Variants in NCALD observed in about 807,000 individuals in gnomAD.
The protein encoded by NCALD is neurocalcin delta, also known as neurocalcin-delta.
NCALD carries 10 observed loss-of-function variants against 18.6 expected under a neutral mutation model. The ratio of observed to expected loss-of-function variants is 0.54; its 90% CI spans 0.33 to 0.91. NCALD has a LOEUF of 0.91. Ranked by LOEUF, NCALD falls within the 40% of genes least tolerant of loss-of-function variation. NCALD has a pLI of 0.03. For synonymous variants in NCALD, 88 were observed against 87.4 expected (o/e 1.01, Z -0.04); for missense variants, 184 against 247.6 (o/e 0.74, Z 1.72).
chr8:101,787,839 C>A (rs542011779), intron 1 of NCALD, among the ~76,000 whole-genome samples: 2 of 152,168 alleles, frequency 1.3e-5, no homozygotes, highest in African/African-American at 4.8e-5. Flanking sequence ...TCAATTCACA[C>A]GTGTATGTGC....
At chr8:101,867,675 GCATTGCCATATCGTGGA>G (rs1815829434) in intron 4 of NCALD, among the ~76,000 whole-genome samples, 2 of 152,178 alleles carry the variant, frequency 1.3e-5, no homozygotes, top group Non-Finnish European at 2.9e-5. Context: ...CAAATTGAAG[GCATTGCCATATCGTGGA>G]CATTTTATTA....
intron 1 of NCALD, among the ~76,000 whole-genome samples, chr8:102,053,379 C>G (rs1229843071): frequency 6.6e-6 from 1 of 151,920 alleles, no homozygotes; most frequent in Admixed American, 6.6e-5. Context: ...TTAAAAATGT[C>G]ATTTCTATTC....
chr8:101,827,853 T>A (rs1173783564), intron 4 of NCALD, among the ~76,000 whole-genome samples: 1 of 152,184 alleles, frequency 6.6e-6, no homozygotes, highest in Non-Finnish European at 1.5e-5. Flanking sequence ...TCTACCTCAA[T>A]TGCCTTTGTA....
At chr8:101,751,072 T>C (rs1048923903) in intron 1 of NCALD, among the ~76,000 whole-genome samples, 2 of 151,926 alleles carry the variant, frequency 1.3e-5, no homozygotes, top group Non-Finnish European at 2.9e-5. Flanking sequence ...CACACATAGC[T>C]CAAAGGTAGA....
intron 3 of NCALD, among the ~76,000 whole-genome samples, chr8:101,894,758 T>A (rs1411012675): frequency 1.3e-5 from 2 of 150,618 alleles, no homozygotes; most frequent in African/African-American, 5.0e-5. Flanking sequence ...AACTAGAAAA[T>A]CTAGAAGAAA....
intron 4 of NCALD, among the ~76,000 whole-genome samples, chr8:101,886,273 G>A (rs999507390): frequency 1.3e-5 from 2 of 152,134 alleles, no homozygotes; most frequent in Non-Finnish European, 2.9e-5. Context: ...AAAAGGAAGT[G>A]GGATGAAAAG....
intron 2 of NCALD, among the ~76,000 whole-genome samples, chr8:101,994,125 G>T (rs1216324490): frequency 1.3e-5 from 2 of 152,108 alleles, no homozygotes; most frequent in East Asian, 1.9e-4. Flanking sequence ...CACATTTCTA[G>T]AACTTCTTCT....
intron 2 of NCALD, among the ~76,000 whole-genome samples, chr8:101,710,346 C>T (rs1815726144): frequency 6.6e-6 from 1 of 152,100 alleles, no homozygotes; most frequent in Non-Finnish European, 1.5e-5. Flanking sequence ...GCCATTTGGG[C>T]AGACAACACG....
chr8:101,721,570 T>C (rs1463725500), intron 1 of NCALD, among the ~76,000 whole-genome samples: 1 of 152,192 alleles, frequency 6.6e-6, no homozygotes, highest in Non-Finnish European at 1.5e-5. Flanking sequence ...TTATATTGAA[T>C]TTAGTGAGGC....
At chr8:101,691,631 A>G (rs1370808781) in intron 3 of NCALD, 1 of 985,324 alleles carries the variant, frequency 1.0e-6, no homozygotes, top group Non-Finnish European at 1.2e-6. Flanking sequence ...AGTCACAACT[A>G]TTCATTGTGA....
At chr8:101,748,890 C>G (rs1272733989) in intron 1 of NCALD, among the ~76,000 whole-genome samples, 1 of 152,184 alleles carries the variant, frequency 6.6e-6, no homozygotes, top group Non-Finnish European at 1.5e-5. Context: ...CCAGGTTAGG[C>G]TCTCTCAAGG....
intron 3 of NCALD, among the ~76,000 whole-genome samples, chr8:101,892,417 A>G (rs1227067138): frequency 6.7e-6 from 1 of 149,404 alleles, no homozygotes; most frequent in Non-Finnish European, 1.5e-5. Context: ...CGGGGAAAAA[A>G]CAAAACAGAA....
intron 1 of NCALD, among the ~76,000 whole-genome samples, chr8:101,737,322 T>C (rs1809967257): frequency 6.6e-6 from 1 of 152,206 alleles, no homozygotes; most frequent in South Asian, 2.1e-4. Context: ...TTCCTGTCAC[T>C]GCTACCATTT....
chr8:101,847,800 G>A (rs920104092), intron 4 of NCALD, among the ~76,000 whole-genome samples: 4 of 152,166 alleles, frequency 2.6e-5, no homozygotes, highest in African/African-American at 9.7e-5. Flanking sequence ...CACCTCCCAG[G>A]TGTCCTGAGG....
chr8:101,786,710 G>A (rs1471566414), intron 1 of NCALD, among the ~76,000 whole-genome samples: 1 of 152,136 alleles, frequency 6.6e-6, no homozygotes, highest in African/African-American at 2.4e-5. Flanking sequence ...TGCAGCCTTT[G>A]GTCTTCCTGC....
chr8:101,782,893 G>A (rs1000611383), intron 1 of NCALD, among the ~76,000 whole-genome samples: 1 of 152,198 alleles, frequency 6.6e-6, no homozygotes, highest in African/African-American at 2.4e-5. Context: ...CGTAGCTCTG[G>A]CCCTCAAATG....
intron 4 of NCALD, among the ~76,000 whole-genome samples, chr8:101,833,883 C>T (rs1814296260): frequency 6.6e-6 from 1 of 152,210 alleles, no homozygotes; most frequent in Non-Finnish European, 1.5e-5. Context: ...AAGAGAAAAA[C>T]AACGGCTCCA....
intron 1 of NCALD, chr8:101,785,979 C>T (rs1047368054): frequency 2.0e-5 from 3 of 152,182 alleles, no homozygotes; most frequent in African/African-American, 7.2e-5. Flanking sequence ...GGTTGTTTGT[C>T]TGTTTTGTTT....
At chr8:101,897,963 G>A (rs1817269345) in intron 3 of NCALD, among the ~76,000 whole-genome samples, 1 of 152,204 alleles carries the variant, frequency 6.6e-6, no homozygotes, top group South Asian at 2.1e-4. Context: ...ATGATAATGA[G>A]TGAGTTCTCA....
Sources: allele counts gnomAD v4.1 joint callset (sites outside exome capture counted in the v4.1 genomes callset), GRCh38; gene constraint gnomAD v4.1.1; transcripts MANE v1.5; gene names NCBI Gene and HGNC (gene_info 2026-07-23, HGNC 2026-07-21).